Variants in ACADSB observed in about 807,000 individuals in gnomAD.
The protein encoded by ACADSB is short/branched chain specific acyl-CoA dehydrogenase, mitochondrial.
Under a neutral mutation model 54.1 loss-of-function variants are expected in ACADSB, and 40 were observed. The ratio of observed to expected loss-of-function variants is 0.74; its 90% CI spans 0.57 to 0.96. ACADSB has a LOEUF of 0.96. Ranked by LOEUF, ACADSB falls within the 40% of genes least tolerant of loss-of-function variation. The probability of loss-of-function intolerance (pLI) is 0.00; values close to 1 mark genes in which losing one functional copy is unlikely to be tolerated. For missense variants in ACADSB, 530 were observed against 510.4 expected (o/e 1.04, Z -0.37); for synonymous variants, 182 against 182.8 (o/e 1.00, Z 0.03).
In ACADSB at chr10:123,018,735, G is replaced by A. The variant is rs889424825; in HGVS notation, c.42+9664G>A. On this transcript the variant is annotated intron_variant, in intron 1 of 10. Transcript: ENST00000358776. ...CACAATTGTGGTGAGGAAGGTGAGG[G>A]AGGAGCAAAGGCACGTCTTACATAG... Among the ~76,000 whole-genome samples, 5 of 152,288 alleles carry A rather than the reference G, an allele frequency of 3.3e-5. No individual in the cohort carries two copies. In the East Asian group the frequency reaches 9.6e-4, roughly 29 times the overall value.
intron 1 of ACADSB, among the ~76,000 whole-genome samples, chr10:123,010,001 C>T (rs1295242952): frequency 6.6e-6 from 1 of 152,224 alleles, no homozygotes; most frequent in African/African-American, 2.4e-5. Context: ...AGAACTCTGA[C>T]CCTTTTTCTT....
intron 1 of ACADSB, among the ~76,000 whole-genome samples, chr10:123,022,709 G>A (rs1850198602): frequency 1.3e-5 from 1 of 77,654 alleles, no homozygotes; most frequent in Non-Finnish European, 4.0e-5. Flanking sequence ...AGTAACCCAA[G>A]GATATCCTTA....
chr10:123,019,644 C>T (rs1350539710), intron 1 of ACADSB, among the ~76,000 whole-genome samples: 1 of 152,184 alleles, frequency 6.6e-6, no homozygotes, highest in Non-Finnish European at 1.5e-5. Context: ...GTTTGTTTTA[C>T]ATTACTGACT....
chr10:123,011,856 AT>A (rs112428179), intron 1 of ACADSB, among the ~76,000 whole-genome samples: 405 of 137,762 alleles, frequency 2.9e-3, no homozygotes, highest in East Asian at 4.7e-3. Context: ...TTAAGAGATG[AT>A]TTTTTTTTTT....
At chr10:123,029,551 T>C (rs530971700) in intron 1 of ACADSB, among the ~76,000 whole-genome samples, 44 of 152,344 alleles carry the variant, frequency 2.9e-4, no homozygotes, top group African/African-American at 1.0e-3. Flanking sequence ...AATGCTGTCA[T>C]CCTGAACAAA....
chr10:123,017,604 C>T (rs1227493861), intron 1 of ACADSB, among the ~76,000 whole-genome samples: 2 of 152,218 alleles, frequency 1.3e-5, no homozygotes, highest in African/African-American at 4.8e-5. Context: ...AGGTGTGAGC[C>T]ACCTCACCGG....
chr10:123,009,430 C>G (rs1034812157), intron 1 of ACADSB, among the ~76,000 whole-genome samples: 1 of 152,172 alleles, frequency 6.6e-6, no homozygotes, highest in Admixed American at 6.5e-5. Context: ...ATGTCACCTC[C>G]CTGATGCCCT....
At chr10:123,023,962 C>T (rs1232804928) in intron 1 of ACADSB, among the ~76,000 whole-genome samples, 1 of 152,244 alleles carries the variant, frequency 6.6e-6, no homozygotes, top group African/African-American at 2.4e-5. Flanking sequence ...CCTGAGGTGT[C>T]CCCCTTTGGG....
Position 123,047,404 on chromosome 10 carries a change from A to G in ACADSB, c.990+106A>G, listed in dbSNP as rs1453779277. 8.3e-5 allele frequency: 68 copies of G among 819,376 alleles called. No homozygotes were observed. The East Asian group carries it at 1.7e-3, about 20-fold the overall frequency. 50.8% of individuals were successfully genotyped at this position (819,376 alleles called of 1,614,324 possible). A position where few individuals can be genotyped will look rare whatever the true frequency, so the allele number is the denominator to read the frequency against. ...AGGGAATCCCTTCAGGGGGATTTTA[A>G]TGGGAGATGGGTAGGGGAGGAAAGA... On this transcript the variant is annotated intron_variant, in intron 8 of 10. Coordinates refer to ENST00000358776, the MANE Select transcript of ACADSB (RefSeq NM_001609.4).
At chr10:123,049,892 G>C (rs1589745380) in intron 8 of ACADSB, among the ~76,000 whole-genome samples, 1 of 152,208 alleles carries the variant, frequency 6.6e-6, no homozygotes, top group East Asian at 1.9e-4. Context: ...TAATCCTAAA[G>C]ATAAGATGGG....
intron 3 of ACADSB, 91 bp downstream of exon 3, chr10:123,037,938 A>C: frequency 1.0e-6 from 1 of 956,752 alleles, no homozygotes; most frequent in Non-Finnish European, 1.6e-6. Flanking sequence ...TTCCCAGTCA[A>C]AATTATCTGT....
chr10:123,026,055 T>TGAGA (rs762149995), intron 1 of ACADSB, among the ~76,000 whole-genome samples: 3 of 151,584 alleles, frequency 2.0e-5, no homozygotes, highest in Admixed American at 1.3e-4. Flanking sequence ...GGAGACAGAG[T>TGAGA]GAGACTCTGT....
At chr10:123,027,911 C>T (rs997452426) in intron 1 of ACADSB, among the ~76,000 whole-genome samples, 2 of 152,282 alleles carry the variant, frequency 1.3e-5, no homozygotes, top group South Asian at 4.1e-4. Context: ...GAGTTGATGC[C>T]AGGAGGCATG....
chr10:123,024,421 G>A (rs918182994), intron 1 of ACADSB, among the ~76,000 whole-genome samples: 1 of 152,216 alleles, frequency 6.6e-6, no homozygotes, highest in Admixed American at 6.5e-5. Context: ...ACTGGAGAGT[G>A]GCCCTGGCCA....
At chr10:123,028,337 C>T (rs950842600) in intron 1 of ACADSB, among the ~76,000 whole-genome samples, 1 of 152,206 alleles carries the variant, frequency 6.6e-6, no homozygotes, top group African/African-American at 2.4e-5. Flanking sequence ...CTAAAACCTA[C>T]TCCTAGCTTT....
At chr10:123,020,253 A>G (rs1430320776) in intron 1 of ACADSB, among the ~76,000 whole-genome samples, 2 of 152,168 alleles carry the variant, frequency 1.3e-5, no homozygotes, top group African/African-American at 4.8e-5. Context: ...TTGTGTAATG[A>G]TATTTGCCTA....
chr10:123,053,131 T>C lies in ACADSB; in HGVS notation c.1199T>C (p.Val400Ala). 1 of 1,613,664 alleles carries C rather than the reference T, an allele frequency of 6.2e-7. No individual in the cohort carries two copies. Among genetic ancestry groups the C allele is most frequent in the Non-Finnish European group, 8.5e-7 (1 of 1,179,774 alleles). The change falls in exon 10 of 11, where the codon GTG (valine) becomes GCG (alanine). Residue 400 changes from valine (V) to alanine (A), a missense_variant. Val to Ala is a moderately conservative substitution (Grantham distance 64). Coordinates refer to ENST00000358776, the MANE Select transcript of ACADSB (RefSeq NM_001609.4). ...GGVGYTKDYP[V>A]EKYFRDAKIG... ...GTAGGCTACACCAAAGATTACCCTGTGGAGAAATACTTCCGAGATGCAAAG... is the reference window on the plus strand; with the variant it reads ...GTAGGCTACACCAAAGATTACCCTGCGGAGAAATACTTCCGAGATGCAAAG...
At chr10:123,034,579 A>C (rs1850372383) in intron 2 of ACADSB, 64 bp downstream of exon 2, 2 of 1,554,622 alleles carry the variant, frequency 1.3e-6, no homozygotes, top group Middle Eastern at 2.1e-4. Context: ...ATAGTGGTGC[A>C]ATCATGGCTC....
intron 7 of ACADSB, among the ~76,000 whole-genome samples, chr10:123,045,163 A>AT (rs1564753027): frequency 9.1e-4 from 12 of 13,218 alleles, no homozygotes; most frequent in Admixed American, 4.1e-3. Flanking sequence ...ATATATATAT[A>AT]TATATATATT....
Sources: gnomAD v4.1 joint callset for allele counts (sites outside exome capture counted in the v4.1 genomes callset) on GRCh38, gnomAD v4.1.1 for gene constraint, MANE v1.5 for transcripts, NCBI Gene and HGNC (gene_info 2026-07-23, HGNC 2026-07-21) for gene names.